LANCL3: variants seen among roughly 807,000 people sequenced by gnomAD.
The protein encoded by LANCL3 is lanC-like protein 3.
Under a neutral mutation model 26.5 loss-of-function variants are expected in LANCL3, and 19 were observed. That is an observed-to-expected ratio of 0.72 (90% CI 0.50 to 1.05). The LOEUF is 1.05. LANCL3 is among the 50% of genes least tolerant of loss of function. The probability of loss-of-function intolerance (pLI) is 0.00; values close to 1 mark genes in which losing one functional copy is unlikely to be tolerated. For synonymous variants in LANCL3, 160 were observed against 166.6 expected (o/e 0.96, Z 0.30); for missense variants, 318 against 362.7 (o/e 0.88, Z 1.00).
rs1288792663 is a variant in LANCL3 at position 37,682,080 on chromosome X, G to GTTTTAT, written c.*6284_*6289dup. ...GTAGAGTAATGCAATTCTTGCTGATGTTTTATTTTTATTTTTATTTTTTTA... is the reference window on the plus strand; with the variant it reads ...GTAGAGTAATGCAATTCTTGCTGATGTTTTATTTTTATTTTTATTTTTATTTTTTTA... On this transcript the variant is annotated 3_prime_UTR_variant, in exon 5 of 5. Coordinates refer to ENST00000378619, the MANE Select transcript of LANCL3 (RefSeq NM_001170331.2). 1 of 110,464 alleles carries GTTTTAT rather than the reference G, an allele frequency of 9.1e-6. No homozygotes were observed. Among genetic ancestry groups the GTTTTAT allele is most frequent in the Non-Finnish European group, 1.9e-5 (1 of 52,670 alleles). 9.1% of individuals were successfully genotyped at this position (110,464 alleles called of 1,213,427 possible).
Position 37,572,042 on chromosome X carries a change from G to A in LANCL3, c.172G>A (p.Ala58Thr), listed in dbSNP as rs782763623. The A allele has an allele frequency of 5.9e-6, 7 of 1,180,007 alleles. No individual in the cohort carries two copies. Among genetic ancestry groups the A allele is most frequent in the Non-Finnish European group, 1.1e-6 (1 of 880,913 alleles). The change falls in exon 1 of 5, where the codon GCT (alanine) becomes ACT (threonine). Residue 58 changes from alanine (A) to threonine (T), a missense_variant. Ala to Thr is a moderately conservative substitution (Grantham distance 58). Transcript: ENST00000378619. ...GGAGGCCCGAGGGGCGACGGCGGGG[G>A]CTAGCGCCTGCCAGGGGGGGCTTTA... is the stretch of plus-strand genomic sequence containing the variant. ...GAEARGATAG[A>T]SACQGGLYGG... is the part of the protein sequence containing the mutation.
chrX:37,632,415 A>G (rs1410864001), intron 1 of LANCL3, among the ~76,000 whole-genome samples: 10 of 111,328 alleles, frequency 9.0e-5, no homozygotes, highest in African/African-American at 3.3e-4. Flanking sequence ...CCAATTTGCC[A>G]GTCTGTGTCT....
chrX:37,598,994 A>G (rs2146724930), intron 1 of LANCL3, among the ~76,000 whole-genome samples: 1 of 112,524 alleles, frequency 8.9e-6, no homozygotes, highest in East Asian at 2.8e-4. Flanking sequence ...TTTTTAAAAA[A>G]GTATATCTTG....
intron 2 of LANCL3, among the ~76,000 whole-genome samples, chrX:37,656,247 CAAA>C (rs781921541): frequency 1.2e-5 from 1 of 85,234 alleles, no homozygotes. Context: ...CTGGGCCATG[CAAA>C]AAAAAAAAAA....
intron 1 of LANCL3, among the ~76,000 whole-genome samples, chrX:37,630,043 T>C (rs1212670256): frequency 8.9e-6 from 1 of 111,874 alleles, no homozygotes; most frequent in Non-Finnish European, 1.9e-5. Flanking sequence ...CCTTGGGCAG[T>C]ATGGCCATTT....
Position 37,659,534 on chromosome X carries a change from G to A in LANCL3, c.770G>A (p.Arg257Gln), listed in dbSNP as rs782689795. ...SYHEHLKPSD[R>Q]ELVWQSVDFL... ...CATGAGCATCTCAAGCCCTCAGATC[G>A]GGAATTGGTATGGCAGAGCGTGGAC... The change falls in exon 3 of 5, where the codon CGG (arginine) becomes CAG (glutamine). Residue 257 changes from arginine (R) to glutamine (Q), a missense_variant. Physicochemically the swap from Arg to Gln is conservative, Grantham distance 43 (BLOSUM62 1). Transcript: ENST00000378619. 7.5e-6 allele frequency: 9 copies of A among 1,207,697 alleles called. No individual in the cohort carries two copies. The Admixed American group carries it at 1.5e-4, about 21-fold the overall frequency.
chrX:37,608,511 T>A (rs1467258567), intron 1 of LANCL3, among the ~76,000 whole-genome samples: 10 of 112,070 alleles, frequency 8.9e-5, no homozygotes, highest in African/African-American at 3.2e-4. Flanking sequence ...TGGAATTTCC[T>A]GCAGAAGGGG....
intron 1 of LANCL3, among the ~76,000 whole-genome samples, chrX:37,634,099 C>A (rs1556425044): frequency 8.9e-6 from 1 of 112,810 alleles, no homozygotes; most frequent in Non-Finnish European, 1.9e-5. Flanking sequence ...GTTCGAGCTT[C>A]CGGGCTCCTT....
chrX:37,611,133 CT>C (rs1924857965), intron 1 of LANCL3, among the ~76,000 whole-genome samples: 1 of 112,178 alleles, frequency 8.9e-6, no homozygotes, highest in African/African-American at 3.2e-5. Context: ...ATCCCTGTCC[CT>C]CATTGGTTGG....
intron 1 of LANCL3, among the ~76,000 whole-genome samples, chrX:37,654,437 A>G (rs1480040966): frequency 8.9e-6 from 1 of 112,447 alleles, no homozygotes; most frequent in Non-Finnish European, 1.9e-5. Context: ...TCATTCAATC[A>G]GACTAAACTT....
intron 1 of LANCL3, among the ~76,000 whole-genome samples, chrX:37,582,468 C>T (rs1393410453): frequency 5.4e-5 from 6 of 111,760 alleles, no homozygotes; most frequent in Admixed American, 2.8e-4. Flanking sequence ...TTTTAATGAT[C>T]GTCATTCTAA....
At chrX:37,609,477 T>C (rs1924804631) in intron 1 of LANCL3, among the ~76,000 whole-genome samples, 2 of 111,874 alleles carry the variant, frequency 1.8e-5, no homozygotes, top group Non-Finnish European at 1.9e-5. Context: ...GTTATTGTAC[T>C]TTGAAAGCCA....
rs1160029369 is a variant in LANCL3 at position 37,677,656 on chromosome X, T to C, written c.*1843T>C. 1 of 111,683 alleles carries C rather than the reference T, an allele frequency of 9.0e-6. No homozygotes were observed. Among genetic ancestry groups the C allele is most frequent in the Admixed American group, 9.5e-5 (1 of 10,491 alleles). The allele number at this position is 111,683 out of a possible 1,213,427, so 9.2% of individuals were successfully genotyped here. A position where few individuals can be genotyped will look rare whatever the true frequency, so the allele number is the denominator to read the frequency against. On this transcript the variant is annotated 3_prime_UTR_variant, in exon 5 of 5. Transcript: ENST00000378619. ...CACATTGGGTCCAGAAGTTCTTTCA[T>C]ATAGGCTGAATATAATAACCATCCT...
At chrX:37,637,612 C>A (rs1222897552) in intron 1 of LANCL3, among the ~76,000 whole-genome samples, 7 of 111,904 alleles carry the variant, frequency 6.3e-5, no homozygotes, top group Non-Finnish European at 1.3e-4. Flanking sequence ...CAAATTGTGT[C>A]ATCCTGGCTC....
At chrX:37,577,545 G>GAAATGCTA (rs1923783471) in intron 1 of LANCL3, among the ~76,000 whole-genome samples, 1 of 112,202 alleles carries the variant, frequency 8.9e-6, no homozygotes, top group Non-Finnish European at 1.9e-5. Flanking sequence ...CATTTGTAAC[G>GAAATGCTA]AAATGCTAAT....
At chrX:37,633,658 T>G (rs1218315716) in intron 1 of LANCL3, among the ~76,000 whole-genome samples, 1 of 111,887 alleles carries the variant, frequency 8.9e-6, no homozygotes, top group Non-Finnish European at 1.9e-5. Context: ...GACAGGACCC[T>G]CAGCTGCAGG....
chrX:37,616,398 G>A (rs1364639677), intron 1 of LANCL3, among the ~76,000 whole-genome samples: 4 of 111,927 alleles, frequency 3.6e-5, no homozygotes, highest in African/African-American at 6.5e-5. Flanking sequence ...AATCAGGGGC[G>A]AAATGCTAGC....
At chrX:37,638,519 A>C (rs1925769791) in intron 1 of LANCL3, among the ~76,000 whole-genome samples, 1 of 111,708 alleles carries the variant, frequency 9.0e-6, no homozygotes, top group Admixed American at 9.5e-5. Context: ...CCTACTTACA[A>C]CCAAAGGGCC....
At chrX:37,581,549 A>G (rs1469331767) in intron 1 of LANCL3, among the ~76,000 whole-genome samples, 2 of 111,842 alleles carry the variant, frequency 1.8e-5, no homozygotes, top group Non-Finnish European at 3.8e-5. Context: ...CATGATACCA[A>G]GCCTATTTTA....
Sources: gnomAD v4.1 joint callset for allele counts (sites outside exome capture counted in the v4.1 genomes callset) on GRCh38, gnomAD v4.1.1 for gene constraint, MANE v1.5 for transcripts, NCBI Gene and HGNC (gene_info 2026-07-23, HGNC 2026-07-21) for gene names.